PRKCH: variants seen among roughly 807,000 people sequenced by gnomAD.
The protein encoded by PRKCH is protein kinase C eta.
PRKCH carries 28 observed loss-of-function variants against 82.5 expected under a neutral mutation model. The observed-to-expected ratio is 0.34, with a 90% CI of 0.25 to 0.47. The LOEUF is 0.47. Among genes scored for constraint, PRKCH ranks in the 20% least tolerant of loss-of-function variants. The pLI is 1.00. For synonymous variants in PRKCH, 322 were observed against 327.4 expected, an observed-to-expected ratio of 0.98 and a Z score of 0.18; for missense variants, 705 against 881.8, an observed-to-expected ratio of 0.80 and a Z score of 2.54.
chr14:61,200,066 G>A (rs1268125861), intron 1 of PRKCH, among the ~76,000 whole-genome samples: 2 of 152,136 alleles, frequency 1.3e-5, no homozygotes, highest in Non-Finnish European at 2.9e-5. Flanking sequence ...AACAAGTGCA[G>A]GTTGGAACTT....
intron 2 of PRKCH, among the ~76,000 whole-genome samples, chr14:61,441,394 A>G (rs1332308358): frequency 2.0e-5 from 3 of 152,150 alleles, no homozygotes; most frequent in African/African-American, 7.2e-5. Context: ...TTATACTCCT[A>G]CTGACAGGAT....
rs571795935 is a variant in PRKCH, at chr14:61,241,819, T to C, written c.-19+54151T>C. Among the ~76,000 whole-genome samples the C allele has an allele frequency of 1.7e-3, 263 of 152,352 alleles. 1 individual carries two copies. The highest frequency in any genetic ancestry group is 0.01 in the Middle Eastern group (3 of 294). On this transcript the variant is annotated intron_variant, in intron 1 of 3. Transcript: ENST00000555185. ...ATGTATAAAATGGGAATAAGAACAG[T>C]ATCTACTCTGTGGACTTAGCTCCTT...
At chr14:61,458,440 T>C (rs1884879092) in intron 9 of PRKCH, among the ~76,000 whole-genome samples, 1 of 152,172 alleles carries the variant, frequency 6.6e-6, no homozygotes, top group African/African-American at 2.4e-5. Context: ...AGGTATTTGC[T>C]GCAGCCCTAG....
rs559679802 is a variant in PRKCH at position 61,205,888 on chromosome 14, C to T, written c.-19+18220C>T. 4.9e-3 allele frequency among the ~76,000 whole-genome samples: 742 copies of T among 152,294 alleles called. 1 individual carries two copies. Among genetic ancestry groups the T allele is most frequent in the Non-Finnish European group, 8.6e-3 (582 of 68,014 alleles). The stretch of plus-strand genomic sequence containing the variant: ...TGGCAAATGTTCATCAAAGCTCCCT[C>T]TTTTGGGTTTTCTTCCTTCTCTGTC... On this transcript the variant is annotated intron_variant, in intron 1 of 3. Coordinates refer to the PRKCH transcript ENST00000555185.
At position 61,362,395 on chromosome 14, in the gene PRKCH, A is replaced by C. The variant is rs1047221556; in HGVS notation, c.364-28830A>C. Among the ~76,000 whole-genome samples, 5 of 151,916 alleles carry C rather than the reference A, an allele frequency of 3.3e-5. No individual in the cohort carries two copies. The East Asian group carries it at 9.7e-4, about 29-fold the overall frequency. ...GGCCAAGGGAAATGGGGAGACTAGGAAATTCAAAGGATTATTTATTGGCAA... is the reference window on the plus strand; with the variant it reads ...GGCCAAGGGAAATGGGGAGACTAGGCAATTCAAAGGATTATTTATTGGCAA... On this transcript the variant is annotated intron_variant, in intron 1 of 13. Coordinates refer to ENST00000332981, the MANE Select transcript of PRKCH (RefSeq NM_006255.5).
At chr14:61,512,405 A>G (rs1339714825) in intron 10 of PRKCH, among the ~76,000 whole-genome samples, 1 of 152,108 alleles carries the variant, frequency 6.6e-6, no homozygotes. Context: ...CTTCTCTGGA[A>G]AAAATGCAGA....
rs71117815 is a variant in PRKCH at position 61,416,053 on chromosome 14, C to CTTTTT, written c.427+24782_427+24786dup. ...CCTCTTTTTTCTTTTCTTTTCTTTT[C>CTTTTT]TTTTTTTTTTTTTTTTTTTTTGAGA... On this transcript the variant is annotated intron_variant, in intron 2 of 13. Coordinates refer to ENST00000332981, the MANE Select transcript of PRKCH (RefSeq NM_006255.5). 1.4e-3 allele frequency among the ~76,000 whole-genome samples: 132 copies of CTTTTT among 94,144 alleles called. 2 individuals are homozygous for CTTTTT. Among genetic ancestry groups the CTTTTT allele is most frequent in the African/African-American group, 1.6e-3 (38 of 23,604 alleles). The allele number at this position is 94,144 out of a possible 152,430, so 61.8% of individuals were successfully genotyped here. A position where few individuals can be genotyped will look rare whatever the true frequency, so the allele number is the denominator to read the frequency against.
At chr14:61,376,759 A>G (rs1023508051) in intron 1 of PRKCH, among the ~76,000 whole-genome samples, 1 of 152,206 alleles carries the variant, frequency 6.6e-6, no homozygotes, top group Non-Finnish European at 1.5e-5. Context: ...TAGCCTAATT[A>G]TTTGAAATGA....
intron 9 of PRKCH, chr14:61,463,313 A>G (rs773546451): frequency 1.3e-5 from 2 of 152,216 alleles, no homozygotes; most frequent in African/African-American, 2.4e-5. Context: ...GGGCTTCCCA[A>G]TGGCCAGCCC....
intron 1 of PRKCH, among the ~76,000 whole-genome samples, chr14:61,197,120 C>T (rs2044447227): frequency 6.6e-6 from 1 of 152,208 alleles, no homozygotes; most frequent in South Asian, 2.1e-4. Flanking sequence ...TCCTCCCATC[C>T]TTCAGAGCTC....
At chr14:61,547,685 T>G in intron 12 of PRKCH, 58 bp from the exon 13 acceptor site, 1 of 1,572,218 alleles carries the variant, frequency 6.4e-7, no homozygotes. Context: ...CCTGCTGTCT[T>G]GTGACGTGCT....
At chr14:61,449,886 CTCTCTCTCTCTCTCTGTG>C (rs1345080712) in intron 5 of PRKCH, among the ~76,000 whole-genome samples, 505 of 39,942 alleles carry the variant, frequency 0.013, 3 homozygotes, top group Non-Finnish European at 0.045. Context: ...CTCTCTCTCT[CTCTCTCTCTCTCTCTGTG>C]TGTGTGTGTG....
chr14:61,539,616 T>C (rs1415194738), intron 12 of PRKCH, among the ~76,000 whole-genome samples: 2 of 152,182 alleles, frequency 1.3e-5, no homozygotes, highest in Non-Finnish European at 2.9e-5. Context: ...TATTTCACTT[T>C]ATTTTTAATA....
chr14:61,286,074 A>G (rs2045311437), intron 1 of PRKCH, among the ~76,000 whole-genome samples: 1 of 152,198 alleles, frequency 6.6e-6, no homozygotes. Context: ...GGCTGTTCTC[A>G]GTTTTTGCAT....
At chr14:61,217,212 G>T (rs1419528201) in intron 1 of PRKCH, among the ~76,000 whole-genome samples, 1 of 152,088 alleles carries the variant, frequency 6.6e-6, no homozygotes, top group African/African-American at 2.4e-5. Context: ...AAGATGGTGA[G>T]TCTCTCCCAT....
chr14:61,227,988 G>C (rs1249743274), intron 1 of PRKCH, among the ~76,000 whole-genome samples: 1 of 152,170 alleles, frequency 6.6e-6, no homozygotes, highest in African/African-American at 2.4e-5. Context: ...ATACCTTCCA[G>C]GTTTCCATCA....
At chr14:61,235,027 T>C (rs770521849) in intron 1 of PRKCH, among the ~76,000 whole-genome samples, 1 of 152,244 alleles carries the variant, frequency 6.6e-6, no homozygotes, top group Non-Finnish European at 1.5e-5. Flanking sequence ...ACTCATGTTA[T>C]GGACCCAAAT....
rs117630187 is a variant in PRKCH at position 61,361,461 on chromosome 14, A to G, written c.364-29764A>G. ...TGCTAGTGAAACCTTTTATTTACCA[A>G]TGAAGCATTAGAATTTCAGAGAGTT... On this transcript the variant is annotated intron_variant, in intron 1 of 13. Transcript: ENST00000332981. Among the ~76,000 whole-genome samples, 29 of 152,364 alleles carry G rather than the reference A, an allele frequency of 1.9e-4. No individual in the cohort carries two copies. In the East Asian group the frequency reaches 5.6e-3, roughly 29 times the overall value.
chr14:61,413,558 G>C (rs1446402955), intron 2 of PRKCH, among the ~76,000 whole-genome samples: 2 of 152,030 alleles, frequency 1.3e-5, no homozygotes, highest in Non-Finnish European at 2.9e-5. Flanking sequence ...CTTAGCCTCT[G>C]TTCCAGAGGA....
Sources: gnomAD v4.1 joint callset for allele counts (sites outside exome capture counted in the v4.1 genomes callset) on GRCh38, gnomAD v4.1.1 for gene constraint, MANE v1.5 for transcripts, NCBI Gene and HGNC (gene_info 2026-07-23, HGNC 2026-07-21) for gene names.